PRMT3: variants seen among roughly 807,000 people sequenced by gnomAD.
PRMT3 encodes the protein protein arginine N-methyltransferase 3.
Under a neutral mutation model 71.9 loss-of-function variants are expected in PRMT3, and 62 were observed. The ratio of observed to expected loss-of-function variants is 0.86; its 90% CI spans 0.70 to 1.07. The LOEUF is 1.07. Among genes scored for constraint, PRMT3 ranks in the 50% least tolerant of loss-of-function variants. The pLI, the probability that PRMT3 is intolerant of heterozygous loss-of-function variation, is 0.00. For missense variants in PRMT3, 663 were observed against 643.0 expected (o/e 1.03, Z -0.34); for synonymous variants, 213 against 220.4 (o/e 0.97, Z 0.30).
chr11:20,471,130 G>C (rs1850634997), intron 13 of PRMT3, among the ~76,000 whole-genome samples: 1 of 152,196 alleles, frequency 6.6e-6, no homozygotes, highest in South Asian at 2.1e-4. Flanking sequence ...ACCTTTGTCA[G>C]ATGGATAGAT....
intron 5 of PRMT3, among the ~76,000 whole-genome samples, chr11:20,393,229 C>A (rs545932139): frequency 6.6e-6 from 1 of 152,156 alleles, no homozygotes; most frequent in South Asian, 2.1e-4. Context: ...GGGCAGATCA[C>A]GAGGTCAGGA....
chr11:20,454,542 C>T (rs1850224971), intron 11 of PRMT3, among the ~76,000 whole-genome samples: 2 of 152,114 alleles, frequency 1.3e-5, no homozygotes, highest in African/African-American at 4.8e-5. Flanking sequence ...TTAAGCAGTG[C>T]TGTTGAATCT....
intron 5 of PRMT3, among the ~76,000 whole-genome samples, chr11:20,393,221 G>T (rs1848755112): frequency 6.6e-6 from 1 of 152,204 alleles, no homozygotes; most frequent in South Asian, 2.1e-4. Flanking sequence ...GGCTAAAAGG[G>T]CAGATCACGA....
At chr11:20,404,343 C>G (rs1214814528) in intron 8 of PRMT3, among the ~76,000 whole-genome samples, 1 of 149,722 alleles carries the variant, frequency 6.7e-6, no homozygotes, top group African/African-American at 2.5e-5. Context: ...AAGCGATTCT[C>G]CTGCGTCAGC....
chr11:20,468,461 C>T (rs1850564424), intron 13 of PRMT3, among the ~76,000 whole-genome samples: 1 of 152,142 alleles, frequency 6.6e-6, no homozygotes, highest in Admixed American at 6.5e-5. Flanking sequence ...CTCCGCCTTC[C>T]AGGTTCAAGC....
chr11:20,420,271 G>A (rs1474856715), intron 9 of PRMT3, among the ~76,000 whole-genome samples: 1 of 152,184 alleles, frequency 6.6e-6, no homozygotes, highest in Non-Finnish European at 1.5e-5. Flanking sequence ...AATCTATTGA[G>A]CGTCTCAAGA....
At chr11:20,476,868 C>T (rs1385180876) in intron 13 of PRMT3, among the ~76,000 whole-genome samples, 1 of 151,952 alleles carries the variant, frequency 6.6e-6, no homozygotes, top group African/African-American at 2.4e-5. Flanking sequence ...TGCGATTTTG[C>T]TTCTCTTCCC....
At chr11:20,467,370 T>A (rs1036383506) in intron 13 of PRMT3, among the ~76,000 whole-genome samples, 1 of 152,138 alleles carries the variant, frequency 6.6e-6, no homozygotes, top group Non-Finnish European at 1.5e-5. Flanking sequence ...ATCTTACTGG[T>A]GAAGGAAAAA....
intron 10 of PRMT3, among the ~76,000 whole-genome samples, chr11:20,451,628 C>A (rs1565218105): frequency 6.6e-6 from 1 of 152,048 alleles, no homozygotes; most frequent in Non-Finnish European, 1.5e-5. Flanking sequence ...AAGAAGCTGT[C>A]CTGTGCATTG....
chr11:20,504,745 A>AGAGAGAGAGAGC (rs1491497481), intron 15 of PRMT3, among the ~76,000 whole-genome samples: 36 of 141,250 alleles, frequency 2.5e-4, no homozygotes, highest in African/African-American at 8.6e-4. Context: ...AGAGAGAGAG[A>AGAGAGAGAGAGC]GCGAGAGCGA....
chr11:20,452,251 G>A, intron 11 of PRMT3, 43 bp downstream of exon 11: 1 of 1,454,454 alleles, frequency 6.9e-7, no homozygotes, highest in South Asian at 1.1e-5. Context: ...TTTTAGTCTA[G>A]CAGAACCAGA....
At chr11:20,499,464 A>C (rs2133462812) in intron 15 of PRMT3, among the ~76,000 whole-genome samples, 1 of 152,150 alleles carries the variant, frequency 6.6e-6, no homozygotes, top group Non-Finnish European at 1.5e-5. Context: ...CTAAAGAAAA[A>C]AAATTTTTTT....
chr11:20,462,222 C>A (rs1291380433), intron 12 of PRMT3, 55 bp downstream of exon 12: 2 of 1,364,604 alleles, frequency 1.5e-6, no homozygotes, highest in Non-Finnish European at 2.0e-6. Flanking sequence ...TTTCTTAGTT[C>A]AGCATTTGAA....
At chr11:20,441,597 G>A (rs1255245322) in intron 10 of PRMT3, among the ~76,000 whole-genome samples, 2 of 151,780 alleles carry the variant, frequency 1.3e-5, no homozygotes, top group Non-Finnish European at 2.9e-5. Flanking sequence ...TTGAGCCACC[G>A]CGCCCAGCCT....
intron 10 of PRMT3, among the ~76,000 whole-genome samples, chr11:20,449,723 C>T (rs942226502): frequency 1.3e-5 from 2 of 152,016 alleles, no homozygotes; most frequent in Non-Finnish European, 2.9e-5. Flanking sequence ...TTTAAAATAA[C>T]ATTTTAATTT....
Position 20,387,851 on chromosome 11 carries a change from C to A in PRMT3, c.28+77C>A. 1 of 1,535,758 alleles carries A rather than the reference C, an allele frequency of 6.5e-7. No individual in the cohort carries two copies. The highest frequency in any genetic ancestry group is 8.8e-7 in the Non-Finnish European group (1 of 1,141,878). On this transcript the variant is annotated intron_variant, in intron 1 of 15. Transcript: ENST00000331079. This position sits in a 1 kb window ranked among gnomAD's most constrained non-coding sequence, Gnocchi z 4.3. ...GCTGTGGGGCCGGTGGAAGACCCTC[C>A]GGGACACGGGCCCGGGCAGGGTGGG...
intron 10 of PRMT3, among the ~76,000 whole-genome samples, chr11:20,427,262 G>A (rs1435729175): frequency 6.6e-6 from 1 of 152,090 alleles, no homozygotes; most frequent in African/African-American, 2.4e-5. Context: ...CATACTGAAT[G>A]TCCTATCTTT....
At chr11:20,482,421 T>A (rs1850960407) in intron 13 of PRMT3, among the ~76,000 whole-genome samples, 1 of 152,026 alleles carries the variant, frequency 6.6e-6, no homozygotes, top group Non-Finnish European at 1.5e-5. Context: ...GACAATAAAT[T>A]CTGAGAAATT....
intron 15 of PRMT3, among the ~76,000 whole-genome samples, chr11:20,499,714 A>T (rs908071254): frequency 3.3e-5 from 5 of 152,218 alleles, no homozygotes; most frequent in Admixed American, 3.3e-4. Context: ...GAGATGATAG[A>T]CTTAAATTCA....
Sources: gnomAD v4.1 joint callset for allele counts (sites outside exome capture counted in the v4.1 genomes callset) on GRCh38, gnomAD v4.1.1 for gene constraint, Gnocchi (gnomAD v3.1) non-coding constraint, MANE v1.5 for transcripts, NCBI Gene and HGNC (gene_info 2026-07-23, HGNC 2026-07-21) for gene names.